The following YWHAE variants were observed in gnomAD, a reference collection of about 807,000 sequenced individuals.
YWHAE encodes tyrosine 3-monooxygenase/tryptophan 5-monooxygenase activation protein epsilon.
A neutral mutation model predicts 30.1 loss-of-function variants in YWHAE; 4 were observed. That is an observed-to-expected ratio of 0.13 (90% CI 0.07 to 0.30). YWHAE has a LOEUF of 0.30. YWHAE is among the 10% of genes least tolerant of loss of function. The pLI is 1.00. For missense variants in YWHAE, 121 were observed against 315.9 expected (o/e 0.38, Z 4.68); for synonymous variants, 118 against 111.8 (o/e 1.06, Z -0.35).
intron 1 of YWHAE, among the ~76,000 whole-genome samples, chr17:1,383,395 T>A (rs887112757): frequency 6.6e-6 from 1 of 151,376 alleles, no homozygotes; most frequent in African/African-American, 2.4e-5. Flanking sequence ...TTAACTTTTT[T>A]TTTTTTTTTT....
In YWHAE at chr17:1,364,979, T is replaced by C; in HGVS notation, c.144A>G (p.Ala48=). 1.2e-6 allele frequency: 2 copies of C among 1,614,180 alleles called. No individual in the cohort carries two copies. The highest frequency in any genetic ancestry group is 3.3e-5 in the Admixed American group (2 of 60,026). The part of the protein sequence containing the change: ...TVEERNLLSV[A]YKNVIGARRA... ...TTCTAGCTCCAATCACATTCTTATA[T>C]GCAACAGATAGGAGGTTTCTTTCTT... Residue 48 remains alanine (A), a synonymous_variant, in exon 2 of 6, where the codon GCA becomes GCG. Transcript: ENST00000264335.
chr17:1,359,405 A>G (rs1229480572), intron 4 of YWHAE, among the ~76,000 whole-genome samples: 2 of 152,196 alleles, frequency 1.3e-5, no homozygotes, highest in African/African-American at 2.4e-5. Context: ...ACCCATTTTC[A>G]TAGCAGCATT....
chr17:1,351,467 C>A (rs138364773), intron 5 of YWHAE, among the ~76,000 whole-genome samples: 1 of 151,848 alleles, frequency 6.6e-6, no homozygotes, highest in East Asian at 2.0e-4. Flanking sequence ...AAAACATGTC[C>A]CCAGAGGTGA....
chr17:1,346,072 AAC>A (rs10560950), intron 5 of YWHAE, among the ~76,000 whole-genome samples: 37,346 of 152,076 alleles, frequency 0.25, 5,288 homozygotes, highest in African/African-American at 0.39. Flanking sequence ...TTCAGAGTGA[AAC>A]ACAGCATGCT....
At chr17:1,390,079 G>T (rs1462434398) in intron 1 of YWHAE, among the ~76,000 whole-genome samples, 1 of 151,988 alleles carries the variant, frequency 6.6e-6, no homozygotes, top group Non-Finnish European at 1.5e-5. Context: ...CCCGACCTCA[G>T]GTGATCCGCC....
chr17:1,347,910 G>C lies in YWHAE; in HGVS notation c.716-2411C>G, dbSNP rs961427653. ...GGACGATCATACGCAGGCATGATTAGTGAAGAACCAAAACTGAAAGCGGAA... is the reference window on the plus strand; with the variant it reads ...GGACGATCATACGCAGGCATGATTACTGAAGAACCAAAACTGAAAGCGGAA... On this transcript the variant is annotated intron_variant, in intron 5 of 5. Transcript: ENST00000264335. 5.2e-6 allele frequency: 5 copies of C among 968,624 alleles called. No homozygotes were observed. In the African/African-American group the frequency reaches 8.7e-5, roughly 17 times the overall value. 60.0% of individuals were successfully genotyped at this position (968,624 alleles called of 1,614,324 possible).
rs1388739411 is a variant in YWHAE, at chr17:1,359,815, T to C, written c.578+1277A>G. Among the ~76,000 whole-genome samples the C allele has an allele frequency of 8.1e-3, 265 of 32,636 alleles. 1 individual carries two copies. Among genetic ancestry groups the C allele is most frequent in the African/African-American group, 0.023 (250 of 10,776 alleles). 21.4% of individuals were successfully genotyped at this position (32,636 alleles called of 152,430 possible). A position where few individuals can be genotyped will look rare whatever the true frequency, so the allele number is the denominator to read the frequency against. Reference sequence around the variant, plus strand: ...TGTATTCGGTGCCACTAAATTGTTGTGTGTGTGTGTGTGTGTGTGTGTGTG... The same window carrying C: ...TGTATTCGGTGCCACTAAATTGTTGCGTGTGTGTGTGTGTGTGTGTGTGTG... On this transcript the variant is annotated intron_variant, in intron 4 of 5. Transcript: ENST00000264335.
chr17:1,354,138 A>T (rs2072687827), intron 5 of YWHAE, 73 bp downstream of exon 5: 1 of 1,543,212 alleles, frequency 6.5e-7, no homozygotes. Context: ...CGACAAGCCA[A>T]GGAATGTCTA....
intron 1 of YWHAE, among the ~76,000 whole-genome samples, chr17:1,370,982 C>G (rs985908631): frequency 6.6e-6 from 1 of 152,030 alleles, no homozygotes; most frequent in Non-Finnish European, 1.5e-5. Flanking sequence ...CTGGGCGACA[C>G]AGCGAGACTC....
intron 1 of YWHAE, among the ~76,000 whole-genome samples, chr17:1,385,662 G>C (rs1026456971): frequency 6.6e-6 from 1 of 152,158 alleles, no homozygotes; most frequent in African/African-American, 2.4e-5. Flanking sequence ...AAGGAAGACG[G>C]AGGATGCAGG....
At chr17:1,351,118 T>C (rs746198701) in intron 5 of YWHAE, among the ~76,000 whole-genome samples, 3 of 151,884 alleles carry the variant, frequency 2.0e-5, no homozygotes, top group Non-Finnish European at 1.5e-5. Flanking sequence ...CCCAGCGCTT[T>C]GGGAGGCCGA....
At chr17:1,371,357 T>A (rs1372568657) in intron 1 of YWHAE, among the ~76,000 whole-genome samples, 1 of 152,064 alleles carries the variant, frequency 6.6e-6, no homozygotes, top group Non-Finnish European at 1.5e-5. Context: ...AGTGCTGAAA[T>A]TACAAATGTG....
At chr17:1,352,839 T>C (rs568550887) in intron 5 of YWHAE, among the ~76,000 whole-genome samples, 4 of 152,048 alleles carry the variant, frequency 2.6e-5, no homozygotes, top group African/African-American at 9.7e-5. Flanking sequence ...CTTAGAAACA[T>C]TCTTAAAGGA....
At chr17:1,375,483 G>A (rs1045844703) in intron 1 of YWHAE, among the ~76,000 whole-genome samples, 16 of 152,094 alleles carry the variant, frequency 1.1e-4, no homozygotes, top group African/African-American at 1.4e-4. Context: ...AGGTGGGATC[G>A]CAATTTAAGA....
At chr17:1,366,061 CAA>C (rs1368778336) in intron 1 of YWHAE, among the ~76,000 whole-genome samples, 1 of 151,710 alleles carries the variant, frequency 6.6e-6, no homozygotes, top group Non-Finnish European at 1.5e-5. Flanking sequence ...ACTAAAAATA[CAA>C]AAATTAGCTG....
At position 1,398,338 on chromosome 17, in the gene YWHAE, C is replaced by CA. The variant is rs142562453; in HGVS notation, c.64+1708_64+1709insT. Among the ~76,000 whole-genome samples the CA allele has an allele frequency of 4.3e-5, 4 of 93,912 alleles. No individual in the cohort carries two copies. The East Asian group carries it at 9.0e-4, about 21-fold the overall frequency. 61.6% of individuals were successfully genotyped at this position (93,912 alleles called of 152,430 possible). ...GAGCTGTACTTCCCCATCTTATCCC[C>CA]CCCCCCAACAGGAACCTTGTTGAAT... is the stretch of plus-strand genomic sequence containing the variant. On this transcript the variant is annotated intron_variant, in intron 1 of 5. Transcript: ENST00000264335.
intron 1 of YWHAE, among the ~76,000 whole-genome samples, chr17:1,370,453 T>C (rs1207736260): frequency 6.6e-6 from 1 of 151,366 alleles, no homozygotes; most frequent in African/African-American, 2.4e-5. Context: ...TGTTTTTTGT[T>C]TTTGAGACAG....
At chr17:1,359,298 G>T (rs185983028) in intron 4 of YWHAE, among the ~76,000 whole-genome samples, 1 of 152,172 alleles carries the variant, frequency 6.6e-6, no homozygotes, top group East Asian at 1.9e-4. Context: ...GACAGAACAA[G>T]ATCCTGTCCG....
Position 1,353,229 on chromosome 17 carries a change from G to A in YWHAE, c.715+982C>T, listed in dbSNP as rs190358476. ...CGAGGCGGGTGGATCACAAGGTTAG[G>A]AGATCGAGGCCAACCTGGCTAACAC... On this transcript the variant is annotated intron_variant, in intron 5 of 5. Coordinates refer to ENST00000264335, the MANE Select transcript of YWHAE (RefSeq NM_006761.5). Among the ~76,000 whole-genome samples, 163 of 150,452 alleles carry A rather than the reference G, an allele frequency of 1.1e-3. 1 individual carries two copies. The highest frequency in any genetic ancestry group is 1.9e-3 in the Non-Finnish European group (129 of 67,636).
Sources: allele counts gnomAD v4.1 joint callset (sites outside exome capture counted in the v4.1 genomes callset), GRCh38; gene constraint gnomAD v4.1.1; transcripts MANE v1.5; gene names NCBI Gene and HGNC (gene_info 2026-07-23, HGNC 2026-07-21).